RGS20: variants seen among roughly 807,000 people sequenced by gnomAD.
RGS20 encodes the protein gz-selective GTPase-activating protein.
In RGS20, 30 loss-of-function variants were observed where a neutral mutation model predicts 33.6. The ratio of observed to expected loss-of-function variants is 0.89; its 90% CI spans 0.67 to 1.21. The LOEUF is 1.21. Ranked by LOEUF, RGS20 falls within the 50% of genes most tolerant of loss-of-function variation. The pLI is 0.00. For missense variants in RGS20, 472 were observed against 502.4 expected, an observed-to-expected ratio of 0.94 and a Z score of 0.58; for synonymous variants, 208 against 197.9, an observed-to-expected ratio of 1.05 and a Z score of -0.43.
chr8:53,906,391 A>C (rs1457990022), intron 2 of RGS20, among the ~76,000 whole-genome samples: 1 of 151,520 alleles, frequency 6.6e-6, no homozygotes, highest in East Asian at 2.0e-4. Flanking sequence ...AAGAAAAAAA[A>C]ACAACTCACT....
intron 3 of RGS20, among the ~76,000 whole-genome samples, chr8:53,944,408 C>A (rs930508490): frequency 6.6e-6 from 1 of 151,788 alleles, no homozygotes; most frequent in Non-Finnish European, 1.5e-5. Flanking sequence ...TGTGGTGGTG[C>A]GCGCCTGTAG....
At chr8:53,859,539 A>G (rs986912787) in intron 1 of RGS20, among the ~76,000 whole-genome samples, 2 of 152,254 alleles carry the variant, frequency 1.3e-5, no homozygotes, top group African/African-American at 4.8e-5. Flanking sequence ...TCACAAAGCC[A>G]CAGAATCACT....
chr8:53,895,285 C>T (rs781298104), intron 2 of RGS20, among the ~76,000 whole-genome samples: 1 of 152,152 alleles, frequency 6.6e-6, no homozygotes, highest in Non-Finnish European at 1.5e-5. Context: ...CCATGTTAGA[C>T]CCTAGAGATG....
intron 1 of RGS20, among the ~76,000 whole-genome samples, chr8:53,855,291 C>T (rs1811647936): frequency 6.6e-6 from 1 of 152,150 alleles, no homozygotes; most frequent in African/African-American, 2.4e-5. Context: ...TCTTGAACTC[C>T]TGACCACAAG....
chr8:53,883,952 A>AG (rs1042295860), intron 2 of RGS20, among the ~76,000 whole-genome samples: 12 of 151,930 alleles, frequency 7.9e-5, no homozygotes, highest in Non-Finnish European at 1.5e-4. Flanking sequence ...GTCTCAAAAA[A>AG]AAAAAAAGAG....
At chr8:53,900,550 T>C (rs577578203) in intron 2 of RGS20, among the ~76,000 whole-genome samples, 1 of 152,278 alleles carries the variant, frequency 6.6e-6, no homozygotes, top group East Asian at 1.9e-4. Flanking sequence ...AAATAAAATA[T>C]CAATAAGTAC....
chr8:53,855,311 C>T (rs1811648488), intron 1 of RGS20, among the ~76,000 whole-genome samples: 1 of 152,174 alleles, frequency 6.6e-6, no homozygotes, highest in Non-Finnish European at 1.5e-5. Flanking sequence ...GTGATCCGCC[C>T]ACCTCGGCCT....
At chr8:53,922,680 A>C (rs1813683173) in intron 2 of RGS20, among the ~76,000 whole-genome samples, 1 of 151,858 alleles carries the variant, frequency 6.6e-6, no homozygotes, top group Non-Finnish European at 1.5e-5. Flanking sequence ...TTTAATTTTT[A>C]ATCTTTCTTT....
At chr8:53,866,413 GT>G (rs2129269626) in intron 1 of RGS20, among the ~76,000 whole-genome samples, 1 of 150,432 alleles carries the variant, frequency 6.6e-6, no homozygotes, top group African/African-American at 2.5e-5. Context: ...GTCTTGCTCT[GT>G]CACCCAGGCT....
chr8:53,851,950 C>T lies in RGS20; in HGVS notation c.51C>T (p.Ser17=), dbSNP rs1254911198. 3.7e-6 allele frequency: 6 copies of T among 1,614,032 alleles called. No homozygotes were observed. The highest frequency in any genetic ancestry group is 1.7e-5 in the Admixed American group (1 of 60,006). The change falls in exon 1 of 6, where the codon TCC becomes TCT. Residue 17 remains serine, a synonymous_variant. Transcript: ENST00000297313. ...AAGAGTGCCTCCAGAAACATTTCTC[C>T]AGGCCGTCTATATGGACACAGTTTC...
chr8:53,869,151 G>A (rs1377524520), intron 1 of RGS20, among the ~76,000 whole-genome samples: 2 of 152,212 alleles, frequency 1.3e-5, no homozygotes, highest in African/African-American at 2.4e-5. Flanking sequence ...GATATCAAAT[G>A]TAACAATTCC....
At chr8:53,948,298 A>G (rs1254336320) in intron 4 of RGS20, among the ~76,000 whole-genome samples, 2 of 140,666 alleles carry the variant, frequency 1.4e-5, no homozygotes, top group Non-Finnish European at 3.0e-5. Context: ...TATATACGAT[A>G]TATGATACAG....
At chr8:53,914,254 C>T (rs1213415250) in intron 2 of RGS20, among the ~76,000 whole-genome samples, 2 of 152,150 alleles carry the variant, frequency 1.3e-5, no homozygotes, top group Non-Finnish European at 2.9e-5. Flanking sequence ...TGGTCTTGAA[C>T]TCCTGGCCTC....
chr8:53,909,044 C>A lies in RGS20; in HGVS notation c.510+29442C>A, dbSNP rs111952521. Among the ~76,000 whole-genome samples the A allele has an allele frequency of 2.9e-3, 434 of 151,024 alleles. 4 individuals carry two copies. The highest frequency in any genetic ancestry group is 0.01 in the African/African-American group (418 of 41,254). On this transcript the variant is annotated intron_variant, in intron 2 of 5. Coordinates refer to ENST00000297313, the MANE Select transcript of RGS20 (RefSeq NM_170587.4). ...TTCCAGGCACTATGTGAGGATTTTACATGAATTATCATATTTATTCCTCCC... is the reference window on the plus strand; with the variant it reads ...TTCCAGGCACTATGTGAGGATTTTAAATGAATTATCATATTTATTCCTCCC...
At chr8:53,928,834 AAAG>A (rs1563408030) in intron 2 of RGS20, among the ~76,000 whole-genome samples, 1 of 152,170 alleles carries the variant, frequency 6.6e-6, no homozygotes, top group Non-Finnish European at 1.5e-5. Flanking sequence ...AAAAAAAAAA[AAAG>A]ATTTTCATGT....
intron 2 of RGS20, among the ~76,000 whole-genome samples, chr8:53,903,883 G>A (rs11997446): frequency 0.017 from 2,617 of 152,228 alleles, 65 homozygotes; most frequent in African/African-American, 0.059. Flanking sequence ...AGAGTGAGTG[G>A]CTGGGAGACC....
intron 2 of RGS20, among the ~76,000 whole-genome samples, chr8:53,883,585 C>T (rs949244780): frequency 6.6e-6 from 1 of 152,176 alleles, no homozygotes; most frequent in Non-Finnish European, 1.5e-5. Context: ...TAAACTTGGA[C>T]TAGTTACTTA....
intron 1 of RGS20, among the ~76,000 whole-genome samples, chr8:53,868,107 G>A (rs1811962199): frequency 6.6e-6 from 1 of 152,208 alleles, no homozygotes; most frequent in African/African-American, 2.4e-5. Flanking sequence ...GACTAACTGA[G>A]CTAGTACCTA....
At chr8:53,905,997 G>T (rs529376176) in intron 2 of RGS20, among the ~76,000 whole-genome samples, 79 of 152,214 alleles carry the variant, frequency 5.2e-4, no homozygotes, top group African/African-American at 1.7e-3. Context: ...TCGACTTCCA[G>T]TTCTGTCTGA....
Sources: allele counts gnomAD v4.1 joint callset (sites outside exome capture counted in the v4.1 genomes callset), GRCh38; gene constraint gnomAD v4.1.1; transcripts MANE v1.5; gene names NCBI Gene and HGNC (gene_info 2026-07-23, HGNC 2026-07-21).